The following DACT3 variants were observed in gnomAD, a reference collection of about 807,000 sequenced individuals.
DACT3 encodes the protein dapper homolog 3.
In DACT3, 5 loss-of-function variants were observed where a neutral mutation model predicts 19.6. That is an observed-to-expected ratio of 0.26 (90% confidence interval 0.13 to 0.54). DACT3 has a LOEUF of 0.54. Among genes scored for constraint, DACT3 ranks in the 20% least tolerant of loss-of-function variants. DACT3 has a pLI of 0.95. For missense variants in DACT3, 908 were observed against 927.4 expected, an observed-to-expected ratio of 0.98 and a Z score of 0.27; for synonymous variants, 454 against 428.1, an observed-to-expected ratio of 1.06 and a Z score of -0.75.
Position 46,647,791 on chromosome 19 carries a change from G to A in DACT3, c.*691C>T, listed in dbSNP as rs577100172. The A allele has an allele frequency of 6.6e-6, 1 of 152,516 alleles. No homozygotes were observed. The highest frequency in any genetic ancestry group is 2.4e-5 in the African/African-American group (1 of 41,510). The allele number at this position is 152,516 out of a possible 1,614,324, so 9.4% of individuals were successfully genotyped here. A position where few individuals can be genotyped will look rare whatever the true frequency, so the allele number is the denominator to read the frequency against. ...TCCCCCATTCCCTCTCACAGGGAGTGGGGGTCATGAGATAGAAACCATCTT... is the reference window on the plus strand; with the variant it reads ...TCCCCCATTCCCTCTCACAGGGAGTAGGGGTCATGAGATAGAAACCATCTT... On this transcript the variant is annotated 3_prime_UTR_variant, in exon 4 of 4. Coordinates refer to ENST00000391916, the MANE Select transcript of DACT3 (RefSeq NM_145056.3).
At chr19:46,655,720 C>G (rs1273913737) in intron 1 of DACT3, among the ~76,000 whole-genome samples, 2 of 152,114 alleles carry the variant, frequency 1.3e-5, no homozygotes, top group African/African-American at 4.8e-5. Context: ...GTTTAGCTCA[C>G]AGGTGCACCC....
At position 46,660,125 on chromosome 19, in the gene DACT3, C is replaced by A. The variant is rs1037044537; in HGVS notation, c.249+691G>T. ...GAGAACACCCAGAGTCCAGAAGTCTCCCCCAGGCGCTGCCTCGACCTGCCT... is the reference window on the plus strand; with the variant it reads ...GAGAACACCCAGAGTCCAGAAGTCTACCCCAGGCGCTGCCTCGACCTGCCT... On this transcript the variant is annotated intron_variant, in intron 1 of 3. Transcript: ENST00000391916. This position sits in a 1 kb window ranked among gnomAD's most constrained non-coding sequence, Gnocchi z 4.9. Among the ~76,000 whole-genome samples, 5 of 152,288 alleles carry A rather than the reference C, an allele frequency of 3.3e-5. No individual in the cohort carries two copies. The highest frequency in any genetic ancestry group is 3.4e-3 in the Middle Eastern group (1 of 294).
intron 1 of DACT3, among the ~76,000 whole-genome samples, chr19:46,656,045 A>G (rs887994600): frequency 1.6e-5 from 2 of 124,192 alleles, no homozygotes; most frequent in African/African-American, 6.6e-5. Context: ...TATGAAATTT[A>G]TTTATTTATT....
rs1290688590 is a variant in DACT3, at chr19:46,660,869, C to A, written c.196G>T (p.Asp66Tyr). The A allele has an allele frequency of 2.6e-6, 4 of 1,531,790 alleles. No homozygotes were observed. The South Asian group carries it at 4.8e-5, about 18-fold the overall frequency. The allele number at this position is 1,531,790 out of a possible 1,614,324, so 94.9% of individuals were successfully genotyped here. Reference protein sequence around the residue: ...EAEDEEDADEDEDAAAARRAA... With the variant: ...EAEDEEDADEYEDAAAARRAA... ...CGGCGCGCCGCCGCCGCATCTTCATCCTCATCGGCGTCCTCCTCGTCCTCG... is the reference window on the plus strand; with the variant it reads ...CGGCGCGCCGCCGCCGCATCTTCATACTCATCGGCGTCCTCCTCGTCCTCG... Residue 66 changes from aspartate to tyrosine, a missense_variant, in exon 1 of 4, where the codon GAT becomes TAT. Transcript: ENST00000391916. The surrounding 1 kb of genome is among the most constrained non-coding windows in gnomAD (Gnocchi z 4.9).
intron 3 of DACT3, chr19:46,650,867 C>G (rs10411585): frequency 7.9e-5 from 12 of 152,164 alleles, no homozygotes; most frequent in South Asian, 4.1e-4. Flanking sequence ...TCCACTCCCC[C>G]ACTTAGTTCA....
At chr19:46,652,602 C>A in intron 3 of DACT3, 58 bp downstream of exon 3, 1 of 1,520,612 alleles carries the variant, frequency 6.6e-7, no homozygotes, top group Non-Finnish European at 8.8e-7. Flanking sequence ...TCTGTGCCCA[C>A]AACCATCCTC....
At position 46,647,836 on chromosome 19, in the gene DACT3, C is replaced by G. The variant is rs564049220; in HGVS notation, c.*646G>C. The G allele has an allele frequency of 2.6e-5, 4 of 152,644 alleles. No homozygotes were observed. The highest frequency in any genetic ancestry group is 5.9e-5 in the Non-Finnish European group (4 of 68,098). The allele number at this position is 152,644 out of a possible 1,614,324, so 9.5% of individuals were successfully genotyped here. On this transcript the variant is annotated 3_prime_UTR_variant, in exon 4 of 4. Transcript: ENST00000391916. ...CATCTTCCTTCCCCTCTTCTACCTC[C>G]GAATCCTCCATAATTGTCCAGGGAT...
rs2053070907 is a variant in DACT3 at position 46,660,904 on chromosome 19, C to T, written c.161G>A (p.Gly54Asp). Residue 54 changes from glycine (G) to aspartate (D), a missense_variant, in exon 1 of 4, where the codon GGC becomes GAC. Physicochemically the swap from Gly to Asp is moderately conservative, Grantham distance 94 (BLOSUM62 -1). Around this residue, in one of 2 missense-constraint regions of DACT3, gnomAD observed 252 missense variants for 325.6 expected, o/e 0.77. Transcript: ENST00000391916. The surrounding 1 kb of genome is among the most constrained non-coding windows in gnomAD (Gnocchi z 4.9). Reference protein sequence around the residue: ...ALRLAQPGMGGAEAEDEEDAD... With the variant: ...ALRLAQPGMGDAEAEDEEDAD... ...GTCCTCCTCGTCCTCGGCCTCGGCG[C>T]CCCCCATTCCGGGCTGGGCCAGCCG... 6.5e-7 allele frequency: 1 copy of T among 1,537,600 alleles called. No homozygotes were observed. Among genetic ancestry groups the T allele is most frequent in the Non-Finnish European group, 8.7e-7 (1 of 1,145,718 alleles).
Position 46,660,674 on chromosome 19 carries a change from C to T in DACT3, c.249+142G>A, listed in dbSNP as rs1344879241. The T allele has an allele frequency of 1.5e-6, 2 of 1,371,156 alleles. No individual in the cohort carries two copies. The highest frequency in any genetic ancestry group is 1.9e-6 in the Non-Finnish European group (2 of 1,065,272). The allele number at this position is 1,371,156 out of a possible 1,614,324, so 84.9% of individuals were successfully genotyped here. ...CCAGGTCCGGCCCGCCGCCGGAACT[C>T]CGGGGTCGCCAGCCCCACCCCCTGT... is the stretch of plus-strand genomic sequence containing the variant. On this transcript the variant is annotated intron_variant, in intron 1 of 3. Transcript: ENST00000391916. This position sits in a 1 kb window ranked among gnomAD's most constrained non-coding sequence, Gnocchi z 4.9.
At position 46,661,127 on chromosome 19, in the gene DACT3, C is replaced by CCCCGCCCCAGCAGCCTG. The variant is rs555398769; in HGVS notation, c.-80_-64dup. 1,033 of 1,338,710 alleles carry CCCCGCCCCAGCAGCCTG rather than the reference C, an allele frequency of 7.7e-4. 7 individuals are homozygous for CCCCGCCCCAGCAGCCTG. The African/African-American group carries it at 0.014, about 19-fold the overall frequency. 82.9% of individuals were successfully genotyped at this position (1,338,710 alleles called of 1,614,324 possible). A position where few individuals can be genotyped will look rare whatever the true frequency, so the allele number is the denominator to read the frequency against. Reference sequence around the variant, plus strand: ...GGCCACCCCTCTCCCGGTCCCACCTCCCCGCCCCAGCAGCCTGCCCGCCCG... The same window carrying CCCCGCCCCAGCAGCCTG: ...GGCCACCCCTCTCCCGGTCCCACCTCCCCGCCCCAGCAGCCTGCCCGCCCCAGCAGCCTGCCCGCCCG... On this transcript the variant is annotated 5_prime_UTR_variant, in exon 1 of 4. Coordinates refer to ENST00000391916, the MANE Select transcript of DACT3 (RefSeq NM_145056.3).
Position 46,660,929 on chromosome 19 carries a change from G to A in DACT3, c.136C>T (p.Arg46Trp). Residue 46 changes from arginine (R) to tryptophan (W), a missense_variant, in exon 1 of 4, where the codon CGG becomes TGG. Coordinates refer to ENST00000391916, the MANE Select transcript of DACT3 (RefSeq NM_145056.3). The surrounding 1 kb of genome is among the most constrained non-coding windows in gnomAD (Gnocchi z 4.9). Reference protein sequence around the residue: ...RQEYRVQQALRLAQPGMGGAE... With the variant: ...RQEYRVQQALWLAQPGMGGAE... ...CCCCCCATTCCGGGCTGGGCCAGCC[G>A]CAGCGCCTGCTGCACGCGGTACTCC... 1 of 1,539,164 alleles carries A rather than the reference G, an allele frequency of 6.5e-7. No homozygotes were observed. Among genetic ancestry groups the A allele is most frequent in the Admixed American group, 2.0e-5 (1 of 50,854 alleles).
At chr19:46,653,110 C>T (rs1222848449) in intron 1 of DACT3, 35 bp from the exon 2 acceptor site, 3 of 1,547,848 alleles carry the variant, frequency 1.9e-6, no homozygotes, top group Admixed American at 4.0e-5. Flanking sequence ...GGTCAGAAGG[C>T]CCCCAGTCCT....
At chr19:46,659,752 C>A (rs2053060765) in intron 1 of DACT3, among the ~76,000 whole-genome samples, 1 of 151,770 alleles carries the variant, frequency 6.6e-6, no homozygotes, top group South Asian at 2.1e-4. Context: ...GAAGCTCTGG[C>A]CACACACAGG....
rs1261453361 is a variant in DACT3 at position 46,661,093 on chromosome 19, G to C, written c.-29C>G. 5 of 1,394,930 alleles carry C rather than the reference G, an allele frequency of 3.6e-6. No homozygotes were observed. The Admixed American group carries it at 1.0e-4, about 29-fold the overall frequency. The allele number at this position is 1,394,930 out of a possible 1,614,324, so 86.4% of individuals were successfully genotyped here. A position where few individuals can be genotyped will look rare whatever the true frequency, so the allele number is the denominator to read the frequency against. On this transcript the variant is annotated 5_prime_UTR_variant, in exon 1 of 4. Transcript: ENST00000391916. ...TGCGGCCCCCCGCCCCAGCCCGGCC[G>C]GGCCCCGCGGCCACCCCTCTCCCGG...
At chr19:46,657,910 G>T (rs1025798414) in intron 1 of DACT3, among the ~76,000 whole-genome samples, 1 of 151,976 alleles carries the variant, frequency 6.6e-6, no homozygotes, top group Non-Finnish European at 1.5e-5. Flanking sequence ...AAATTAGCCA[G>T]GGGTGATGGT....
At chr19:46,659,175 C>T in intron 1 of DACT3, 5 of 985,144 alleles carry the variant, frequency 5.1e-6, no homozygotes, top group Non-Finnish European at 6.0e-6. Flanking sequence ...CTCTGCTCCT[C>T]CTCCTCCCCC....
At chr19:46,652,855 T>C (rs1405461329) in intron 2 of DACT3, 43 bp from the exon 3 acceptor site, 1 of 1,541,300 alleles carries the variant, frequency 6.5e-7, no homozygotes, top group Admixed American at 2.0e-5. Flanking sequence ...GGGGTTTGGG[T>C]GGGAAAACCA....
chr19:46,649,424 G>A lies in DACT3; in HGVS notation c.948C>T (p.Ser316=), dbSNP rs1394848395. 7.9e-7 allele frequency: 1 copy of A among 1,270,412 alleles called. No homozygotes were observed. The allele number at this position is 1,270,412 out of a possible 1,614,324, so 78.7% of individuals were successfully genotyped here. ...SLERVGGHPT[S]PAALSRAWAS... The stretch of plus-strand genomic sequence containing the variant: ...CCCAGGCGCGGCTCAAGGCGGCAGG[G>A]CTGGTGGGGTGGCCCCCGACGCGCT... The change falls in exon 4 of 4, where the codon AGC becomes AGT. Residue 316 remains serine, a synonymous_variant. Coordinates refer to ENST00000391916, the MANE Select transcript of DACT3 (RefSeq NM_145056.3).
intron 1 of DACT3, chr19:46,654,576 G>A: frequency 1.0e-6 from 1 of 985,390 alleles, no homozygotes; most frequent in South Asian, 4.7e-5. Context: ...CACGGATGGG[G>A]TCTCCAAGAC....
Sources: allele counts gnomAD v4.1 joint callset (sites outside exome capture counted in the v4.1 genomes callset), GRCh38; gene constraint gnomAD v4.1.1; regional missense constraint gnomAD v4.1.1; non-coding constraint Gnocchi (gnomAD v3.1); transcripts MANE v1.5; gene names NCBI Gene and HGNC (gene_info 2026-07-23, HGNC 2026-07-21).